CCDC25: variants seen among roughly 807,000 people sequenced by gnomAD.
CCDC25 encodes coiled-coil domain-containing protein 25.
In CCDC25, 16 loss-of-function variants were observed where a neutral mutation model predicts 35.3. The ratio of observed to expected loss-of-function variants is 0.45; its 90% CI spans 0.31 to 0.69. The LOEUF is 0.69. Ranked by LOEUF, CCDC25 falls within the 30% of genes least tolerant of loss-of-function variation. CCDC25 has a pLI of 0.06. For missense variants in CCDC25, 179 were observed against 250.7 expected (o/e 0.71, Z 1.93); for synonymous variants, 79 against 80.3 (o/e 0.98, Z 0.09).
chr8:27,745,059 G>A (rs1180295104), intron 7 of CCDC25, among the ~76,000 whole-genome samples: 1 of 152,080 alleles, frequency 6.6e-6, no homozygotes, highest in Non-Finnish European at 1.5e-5. Context: ...AGGATGGAAT[G>A]CAGTGAGCTC....
At chr8:27,751,661 C>T (rs1267678657) in intron 5 of CCDC25, among the ~76,000 whole-genome samples, 4 of 152,120 alleles carry the variant, frequency 2.6e-5, no homozygotes, top group Non-Finnish European at 4.4e-5. Flanking sequence ...AACCTCTACC[C>T]GATCTAGACC....
rs534745227 is a variant in CCDC25 at position 27,747,312 on chromosome 8, G to A, written c.551+765C>T. Among the ~76,000 whole-genome samples, 4 of 152,304 alleles carry A rather than the reference G, an allele frequency of 2.6e-5. No homozygotes were observed. The South Asian group carries it at 6.2e-4, about 24-fold the overall frequency. On this transcript the variant is annotated intron_variant, in intron 7 of 8. Transcript: ENST00000356537. ...AGAAAAGGCAGTGGTCAGACAGGGG[G>A]CTGTGACCATGGAAAGCTTGGAGAA...
rs775644825 is a variant in CCDC25, at chr8:27,752,634, T to C, written c.169-47A>G. 7 of 1,439,456 alleles carry C rather than the reference T, an allele frequency of 4.9e-6. 1 individual carries two copies. In the South Asian group the frequency reaches 6.9e-5, roughly 14 times the overall value. 89.2% of individuals were successfully genotyped at this position (1,439,456 alleles called of 1,614,324 possible). On this transcript the variant is annotated intron_variant, in intron 4 of 8. Transcript: ENST00000356537. The stretch of plus-strand genomic sequence containing the variant: ...ATTGGTCCACTACCTCATTATCCAT[T>C]GACACTGGAGCACTCAAAGGGCATT...
chr8:27,756,850 G>GTTCTA, intron 3 of CCDC25, 80 bp from the exon 4 acceptor site: 1 of 1,000,398 alleles, frequency 1.0e-6, no homozygotes, highest in Non-Finnish European at 1.6e-6. Flanking sequence ...AAAGCATTCT[G>GTTCTA]TTCTAAAAAG....
intron 1 of CCDC25, among the ~76,000 whole-genome samples, chr8:27,766,859 A>G (rs760686600): frequency 1.3e-5 from 2 of 152,174 alleles, no homozygotes; most frequent in Non-Finnish European, 2.9e-5. Context: ...TAAATATCCG[A>G]ACAGTATTTT....
At chr8:27,757,668 C>T (rs866962679) in intron 3 of CCDC25, among the ~76,000 whole-genome samples, 1 of 152,292 alleles carries the variant, frequency 6.6e-6, no homozygotes, top group East Asian at 1.9e-4. Context: ...CCCAGAAATG[C>T]CCCCTCCGCA....
intron 8 of CCDC25, among the ~76,000 whole-genome samples, 164 bp from the exon 9 acceptor site, chr8:27,736,409 T>C (rs1015737114): frequency 6.6e-6 from 1 of 152,228 alleles, no homozygotes; most frequent in Non-Finnish European, 1.5e-5. Flanking sequence ...AGTTGTCAGT[T>C]TCCTGACATA....
At chr8:27,762,163 T>C (rs143809882) in intron 3 of CCDC25, among the ~76,000 whole-genome samples, 1 of 152,316 alleles carries the variant, frequency 6.6e-6, no homozygotes, top group African/African-American at 2.4e-5. Context: ...CTCAGTAACT[T>C]ACTATGGCGT....
intron 1 of CCDC25, among the ~76,000 whole-genome samples, chr8:27,769,644 C>T (rs1804517554): frequency 6.6e-6 from 1 of 152,024 alleles, no homozygotes; most frequent in Non-Finnish European, 1.5e-5. Context: ...TAAAACAAAC[C>T]ACATGTACAG....
At chr8:27,753,730 T>A (rs1803898299) in intron 4 of CCDC25, among the ~76,000 whole-genome samples, 1 of 152,208 alleles carries the variant, frequency 6.6e-6, no homozygotes, top group Non-Finnish European at 1.5e-5. Context: ...GGTAACACCA[T>A]AATTTATTTT....
At position 27,737,017 on chromosome 8, in the gene CCDC25, G is replaced by C. The variant is rs1466266501; in HGVS notation, c.598-772C>G. Among the ~76,000 whole-genome samples the C allele has an allele frequency of 1.3e-5, 2 of 152,106 alleles. No homozygotes were observed. The highest frequency in any genetic ancestry group is 2.9e-5 in the Non-Finnish European group (2 of 68,036). ...TTTCCCATTGCTTAACACCAGCATTGTTAGAGAAAGGGATCAGACTAAGGC... is the reference window on the plus strand; with the variant it reads ...TTTCCCATTGCTTAACACCAGCATTCTTAGAGAAAGGGATCAGACTAAGGC... On this transcript the variant is annotated intron_variant, in intron 8 of 8. Coordinates refer to ENST00000356537, the MANE Select transcript of CCDC25 (RefSeq NM_018246.3). The surrounding 1 kb of genome is among the most constrained non-coding windows in gnomAD (Gnocchi z 4.6).
intron 4 of CCDC25, among the ~76,000 whole-genome samples, chr8:27,755,309 C>T (rs10866862): frequency 0.44 from 66,134 of 152,032 alleles, 14,638 homozygotes; most frequent in East Asian, 0.63. Context: ...CATGGGAGCA[C>T]ACGGGAGCCC....
chr8:27,767,810 G>T (rs191006271), intron 1 of CCDC25, among the ~76,000 whole-genome samples: 9 of 151,966 alleles, frequency 5.9e-5, no homozygotes, highest in Admixed American at 3.3e-4. Context: ...GCATTCAGGG[G>T]TTAACTGCAA....
intron 8 of CCDC25, among the ~76,000 whole-genome samples, chr8:27,739,112 G>A (rs992155682): frequency 1.3e-5 from 2 of 152,074 alleles, no homozygotes; most frequent in Non-Finnish European, 2.9e-5. Context: ...CTGTGACAAC[G>A]TTCCCTTGCC....
At position 27,737,256 on chromosome 8, in the gene CCDC25, C is replaced by G. The variant is rs577205997; in HGVS notation, c.598-1011G>C. ...ATTGTGTTATATCCAGGCGCAAAGA[C>G]TATGATTGCCCCAGAGTCTTAATCT... On this transcript the variant is annotated intron_variant, in intron 8 of 8. Transcript: ENST00000356537. The surrounding 1 kb of genome is among the most constrained non-coding windows in gnomAD (Gnocchi z 4.6). 6.6e-6 allele frequency among the ~76,000 whole-genome samples: 1 copy of G among 152,320 alleles called. No homozygotes were observed. The highest frequency in any genetic ancestry group is 1.9e-4 in the East Asian group (1 of 5,194).
At chr8:27,767,080 TA>T (rs1371942911) in intron 1 of CCDC25, among the ~76,000 whole-genome samples, 10 of 152,114 alleles carry the variant, frequency 6.6e-5, no homozygotes, top group African/African-American at 2.4e-4. Context: ...AAAATAACAA[TA>T]TAGGCCAGGT....
rs544286052 is a variant in CCDC25, at chr8:27,737,948, T to C, written c.598-1703A>G. The stretch of plus-strand genomic sequence containing the variant: ...CTATGCAGCTATAAAAAGGAATATA[T>C]TAACAGCATTTGCAGTGACCTGGAT... On this transcript the variant is annotated intron_variant, in intron 8 of 8. Transcript: ENST00000356537. The surrounding 1 kb of genome is among the most constrained non-coding windows in gnomAD (Gnocchi z 4.6). Among the ~76,000 whole-genome samples the C allele has an allele frequency of 3.3e-5, 5 of 151,508 alleles. No homozygotes were observed. The highest frequency in any genetic ancestry group is 1.2e-4 in the African/African-American group (5 of 41,164).
chr8:27,742,640 G>A (rs956939891), intron 7 of CCDC25, among the ~76,000 whole-genome samples: 7 of 152,198 alleles, frequency 4.6e-5, no homozygotes, highest in Admixed American at 1.3e-4. Context: ...CAAGGCAGGC[G>A]GATCACTTGA....
At chr8:27,771,858 C>A (rs1007478458) in intron 1 of CCDC25, 1 of 152,254 alleles carries the variant, frequency 6.6e-6, no homozygotes, top group Non-Finnish European at 1.5e-5. Flanking sequence ...AGGGGAATAA[C>A]AGGAACAGAA....
Sources: allele counts gnomAD v4.1 joint callset (sites outside exome capture counted in the v4.1 genomes callset), GRCh38; gene constraint gnomAD v4.1.1; non-coding constraint Gnocchi (gnomAD v3.1); transcripts MANE v1.5; gene names NCBI Gene and HGNC (gene_info 2026-07-23, HGNC 2026-07-21).